The following ITGB3 variants were observed in gnomAD, a reference collection of about 807,000 sequenced individuals.
ITGB3 encodes integrin beta-3.
ITGB3 carries 48 observed loss-of-function variants against 85.8 expected under a neutral mutation model. That is an observed-to-expected ratio of 0.56 (90% confidence interval 0.44 to 0.71). The LOEUF (loss-of-function observed/expected upper bound fraction) is 0.71, where lower values mean the gene tolerates loss of function less well. ITGB3 is among the 30% of genes least tolerant of loss of function. The pLI is 0.00. For missense variants in ITGB3, 861 were observed against 1,019.1 expected (o/e 0.84, Z 2.11); for synonymous variants, 363 against 395.6 (o/e 0.92, Z 0.98).
chr17:47,283,564 C>G lies in ITGB3; in HGVS notation c.361+15C>G, dbSNP rs772699907. 1.2e-6 allele frequency: 2 copies of G among 1,613,542 alleles called. No homozygotes were observed. Among genetic ancestry groups the G allele is most frequent in the Non-Finnish European group, 1.7e-6 (2 of 1,179,636 alleles). On this transcript the variant is annotated intron_variant, in intron 3 of 14. Transcript: ENST00000559488. ...GCTCCGGCCAGGTAGGGCTGGGACT[C>G]TTTGCGGGGAGAGACCTGAAGCAGG...
At chr17:47,269,393 T>C (rs2065036783) in intron 1 of ITGB3, among the ~76,000 whole-genome samples, 1 of 152,186 alleles carries the variant, frequency 6.6e-6, no homozygotes, top group Non-Finnish European at 1.5e-5. Flanking sequence ...CCTGCTGCTG[T>C]ATGCTTTGCT....
At chr17:47,305,924 T>G (rs2065186198) in intron 13 of ITGB3, among the ~76,000 whole-genome samples, 1 of 152,250 alleles carries the variant, frequency 6.6e-6, no homozygotes, top group Admixed American at 6.5e-5. Flanking sequence ...TATATTTAAT[T>G]TAATCATTCC....
At chr17:47,308,642 C>T (rs1320893662) in intron 14 of ITGB3, among the ~76,000 whole-genome samples, 1 of 152,112 alleles carries the variant, frequency 6.6e-6, no homozygotes, top group African/African-American at 2.4e-5. Context: ...AACTGGATTA[C>T]AGGCGCCAGC....
chr17:47,306,769 C>T (rs776752145), intron 13 of ITGB3, among the ~76,000 whole-genome samples: 16 of 150,486 alleles, frequency 1.1e-4, no homozygotes, highest in Non-Finnish European at 2.1e-4. Context: ...CAACCTCTAC[C>T]TCCCAGGTTC....
chr17:47,302,548 C>T (rs1762974177), intron 12 of ITGB3, among the ~76,000 whole-genome samples, 173 bp from the exon 13 acceptor site: 1 of 152,192 alleles, frequency 6.6e-6, no homozygotes, highest in South Asian at 2.1e-4. Context: ...CAGTGAGTGT[C>T]AGTGAGTGGC....
At chr17:47,302,876 G>C in intron 13 of ITGB3, 36 bp downstream of exon 13, 1 of 1,612,578 alleles carries the variant, frequency 6.2e-7, no homozygotes, top group Non-Finnish European at 8.5e-7. Flanking sequence ...CCCTGCCCCA[G>C]GAGGGAGAGG....
At chr17:47,278,038 G>A (rs1032897207) in intron 2 of ITGB3, among the ~76,000 whole-genome samples, 1 of 152,072 alleles carries the variant, frequency 6.6e-6, no homozygotes, top group Non-Finnish European at 1.5e-5. Context: ...TCCTCTTCTT[G>A]TAAACAATGA....
At chr17:47,261,582 T>C (rs4470207) in intron 1 of ITGB3, among the ~76,000 whole-genome samples, 45,428 of 150,194 alleles carry the variant, frequency 0.3, 7,246 homozygotes, top group East Asian at 0.49. Flanking sequence ...TGCAGTTGTG[T>C]GATCCCAGCT....
chr17:47,287,182 G>A lies in ITGB3; in HGVS notation c.890G>A (p.Gly297Glu). 6.2e-7 allele frequency: 1 copy of A among 1,613,940 alleles called. No individual in the cohort carries two copies. The highest frequency in any genetic ancestry group is 8.5e-7 in the Non-Finnish European group (1 of 1,179,878). ...GCAGGCATTGTCCAGCCTAATGACGGGCAGTGTCATGTTGGTAGTGACAAT... is the reference window on the plus strand; with the variant it reads ...GCAGGCATTGTCCAGCCTAATGACGAGCAGTGTCATGTTGGTAGTGACAAT... ...RLAGIVQPNDGQCHVGSDNHY... is the reference protein window; with the variant it reads ...RLAGIVQPNDEQCHVGSDNHY... The change falls in exon 6 of 15, where the codon GGG becomes GAG. Residue 297 changes from glycine to glutamate, a missense_variant. Transcript: ENST00000559488.
Position 47,310,173 on chromosome 17 carries a change from C to T in ITGB3, c.2336C>T (p.Thr779Ile). Residue 779 changes from threonine to isoleucine, a missense_variant, in exon 15 of 15, where the codon ACC becomes ATC. Transcript: ENST00000559488. Reference protein sequence around the residue: ...NNPLYKEATSTFTNITYRGT With the variant: ...NNPLYKEATSIFTNITYRGT ...CCACTGTATAAAGAGGCCACGTCTA[C>T]CTTCACCAATATCACGTACCGGGGC... 6.2e-7 allele frequency: 1 copy of T among 1,614,076 alleles called. No homozygotes were observed. Among genetic ancestry groups the T allele is most frequent in the African/African-American group, 1.3e-5 (1 of 75,030 alleles).
At chr17:47,278,864 G>A (rs1226624416) in intron 2 of ITGB3, among the ~76,000 whole-genome samples, 1 of 152,092 alleles carries the variant, frequency 6.6e-6, no homozygotes, top group Non-Finnish European at 1.5e-5. Flanking sequence ...GATCTGGGGT[G>A]GAACAGTTTC....
intron 2 of ITGB3, among the ~76,000 whole-genome samples, chr17:47,281,457 A>G (rs937766063): frequency 6.6e-6 from 1 of 152,182 alleles, no homozygotes. Context: ...GCCTTGTTGA[A>G]CAGGTGAGGA....
At chr17:47,301,073 C>G (rs1034513446) in intron 12 of ITGB3, among the ~76,000 whole-genome samples, 2 of 152,156 alleles carry the variant, frequency 1.3e-5, no homozygotes, top group Non-Finnish European at 2.9e-5. Flanking sequence ...CAACCAAAAG[C>G]TTTATCTGAA....
At chr17:47,305,522 C>G (rs1195187851) in intron 13 of ITGB3, 1 of 152,192 alleles carries the variant, frequency 6.6e-6, no homozygotes, top group African/African-American at 2.4e-5. Flanking sequence ...TATTAGATAC[C>G]TGACATTTGT....
Position 47,299,266 on chromosome 17 carries a change from C to G in ITGB3, c.1691-42C>G. 1 of 1,577,738 alleles carries G rather than the reference C, an allele frequency of 6.3e-7. No homozygotes were observed. The highest frequency in any genetic ancestry group is 1.7e-5 in the Admixed American group (1 of 59,992). On this transcript the variant is annotated intron_variant, in intron 10 of 14. Coordinates refer to ENST00000559488, the MANE Select transcript of ITGB3 (RefSeq NM_000212.3). This position sits in a 1 kb window ranked among gnomAD's most constrained non-coding sequence, Gnocchi z 5.1. ...GTAGCCTGCTGCCATGGGAGTGGAG[C>G]TCTCGCCAGCGGGTCCACCTTCCTG...
rs529444802 is a variant in ITGB3 at position 47,292,083 on chromosome 17, G to A, written c.1261-56G>A. 1.6e-5 allele frequency: 26 copies of A among 1,580,190 alleles called. No individual in the cohort carries two copies. The African/African-American group carries it at 3.4e-4, about 20-fold the overall frequency. On this transcript the variant is annotated intron_variant, in intron 9 of 14. Coordinates refer to ENST00000559488, the MANE Select transcript of ITGB3 (RefSeq NM_000212.3). The stretch of plus-strand genomic sequence containing the variant: ...GGAACAACTTTTTTTTTCCTCCAGA[G>A]CTGGAGTGTTAACTGGGCCCAACTG...
chr17:47,309,110 C>T (rs1404831901), intron 14 of ITGB3, among the ~76,000 whole-genome samples: 1 of 151,164 alleles, frequency 6.6e-6, no homozygotes, highest in Non-Finnish European at 1.5e-5. Context: ...TGCAGTGGTG[C>T]CATCATGGCT....
In ITGB3 at chr17:47,253,846, G is replaced by C; in HGVS notation, c.-16G>C. On this transcript the variant is annotated 5_prime_UTR_variant, in exon 1 of 15. Coordinates refer to ENST00000559488, the MANE Select transcript of ITGB3 (RefSeq NM_000212.3). ...CCCACTGTGGGGCGGGCGGAGCGCC[G>C]CGGGAGGCGGACGAGATGCGAGCGC... 1 of 1,208,400 alleles carries C rather than the reference G, an allele frequency of 8.3e-7. No individual in the cohort carries two copies. The highest frequency in any genetic ancestry group is 1.0e-6 in the Non-Finnish European group (1 of 972,780). The allele number at this position is 1,208,400 out of a possible 1,614,324, so 74.9% of individuals were successfully genotyped here.
At position 47,311,735 on chromosome 17, in the gene ITGB3, G is replaced by A. The variant is rs2065215729; in HGVS notation, c.*1531G>A. The A allele has an allele frequency of 6.6e-6, 1 of 152,144 alleles. No individual in the cohort carries two copies. The highest frequency in any genetic ancestry group is 2.4e-5 in the African/African-American group (1 of 41,414). The allele number at this position is 152,144 out of a possible 1,614,324, so 9.4% of individuals were successfully genotyped here. On this transcript the variant is annotated 3_prime_UTR_variant, in exon 15 of 15. Coordinates refer to ENST00000559488, the MANE Select transcript of ITGB3 (RefSeq NM_000212.3). ...TCCCAGAAAAGCAGTGGCTCCATTG[G>A]TGTTGACATACATCCAACATTAAAA...
Sources: allele counts gnomAD v4.1 joint callset (sites outside exome capture counted in the v4.1 genomes callset), GRCh38; gene constraint gnomAD v4.1.1; non-coding constraint Gnocchi (gnomAD v3.1); transcripts MANE v1.5; gene names NCBI Gene and HGNC (gene_info 2026-07-23, HGNC 2026-07-21).